RXFP2: variants seen among roughly 807,000 people sequenced by gnomAD.
RXFP2 encodes relaxin family peptide receptor 2.
In RXFP2, 68 loss-of-function variants were observed where a neutral mutation model predicts 88.6. That is an observed-to-expected ratio of 0.77 (90% confidence interval 0.63 to 0.94). The LOEUF (loss-of-function observed/expected upper bound fraction) is 0.94, where lower values mean the gene tolerates loss of function less well. Among genes scored for constraint, RXFP2 ranks in the 40% least tolerant of loss-of-function variants. The probability of loss-of-function intolerance (pLI) is 0.00; values close to 1 mark genes in which losing one functional copy is unlikely to be tolerated. For missense variants in RXFP2, 791 were observed against 893.9 expected (o/e 0.88, Z 1.47); for synonymous variants, 329 against 306.8 (o/e 1.07, Z -0.76).
At chr13:31,759,414 A>AAAGAAAGAAAG (rs1872172556) in intron 2 of RXFP2, among the ~76,000 whole-genome samples, 5 of 150,650 alleles carry the variant, frequency 3.3e-5, no homozygotes, top group South Asian at 2.1e-4. Context: ...AGAAAGAAAG[A>AAAGAAAGAAAG]AAGAAAGAAA....
intron 1 of RXFP2, among the ~76,000 whole-genome samples, chr13:31,745,125 G>A (rs1871357071): frequency 6.6e-6 from 1 of 151,552 alleles, no homozygotes; most frequent in South Asian, 2.1e-4. Context: ...AGCCAAGATT[G>A]TGCCACCATA....
At chr13:31,754,779 TA>T (rs1449787144) in intron 1 of RXFP2, among the ~76,000 whole-genome samples, 1 of 152,180 alleles carries the variant, frequency 6.6e-6, no homozygotes, top group African/African-American at 2.4e-5. Flanking sequence ...TGAAATAAAA[TA>T]AAAATCATAC....
intron 17 of RXFP2, 48 bp downstream of exon 17, chr13:31,797,467 C>G: frequency 7.1e-7 from 1 of 1,403,718 alleles, no homozygotes. Flanking sequence ...TGCCTTCTTA[C>G]GTCCTTCTTT....
chr13:31,777,319 G>A, intron 7 of RXFP2, 57 bp from the exon 8 acceptor site: 1 of 1,270,458 alleles, frequency 7.9e-7, no homozygotes. Flanking sequence ...AGGGGAGGCA[G>A]GTTTTATTTC....
intron 5 of RXFP2, among the ~76,000 whole-genome samples, chr13:31,767,786 G>C (rs1872601955): frequency 6.6e-6 from 1 of 152,164 alleles, no homozygotes; most frequent in South Asian, 2.1e-4. Context: ...AACCTTAAGA[G>C]GGAAAGAAAT....
chr13:31,800,681 G>A (rs1055433643), intron 17 of RXFP2, among the ~76,000 whole-genome samples: 1 of 152,164 alleles, frequency 6.6e-6, no homozygotes, highest in African/African-American at 2.4e-5. Flanking sequence ...GAACTTACGT[G>A]GCCTATTTGC....
chr13:31,798,729 G>A (rs538733669), intron 17 of RXFP2, among the ~76,000 whole-genome samples: 11 of 152,242 alleles, frequency 7.2e-5, no homozygotes, highest in African/African-American at 1.9e-4. Flanking sequence ...AGGCCCACTG[G>A]AATGATTGGG....
At chr13:31,746,612 C>G (rs1372793511) in intron 1 of RXFP2, among the ~76,000 whole-genome samples, 5 of 152,176 alleles carry the variant, frequency 3.3e-5, no homozygotes, top group African/African-American at 1.2e-4. Context: ...GGGCCAGATT[C>G]TACTTCTTAT....
chr13:31,759,890 G>A (rs1307325834), intron 2 of RXFP2, among the ~76,000 whole-genome samples: 2 of 151,984 alleles, frequency 1.3e-5, no homozygotes, highest in African/African-American at 4.8e-5. Flanking sequence ...CACACTTCCC[G>A]TGGATCACTT....
intron 1 of RXFP2, among the ~76,000 whole-genome samples, chr13:31,740,118 A>C (rs1871172404): frequency 6.6e-6 from 1 of 152,184 alleles, no homozygotes. Flanking sequence ...TTGCGTGAAC[A>C]TAATTAAACT....
At chr13:31,761,524 C>T (rs1051829026) in intron 2 of RXFP2, among the ~76,000 whole-genome samples, 200 bp from the exon 3 acceptor site, 2 of 152,130 alleles carry the variant, frequency 1.3e-5, no homozygotes, top group African/African-American at 4.8e-5. Context: ...ATGATACATA[C>T]ATTTGGAGTA....
At chr13:31,758,111 T>C in intron 1 of RXFP2, 147 bp from the exon 2 acceptor site, 1 of 822,496 alleles carries the variant, frequency 1.2e-6, no homozygotes, top group Non-Finnish European at 2.0e-6. Context: ...AATAAAGTTG[T>C]CATTGAGAAT....
chr13:31,776,102 T>TTTC (rs35847911), intron 7 of RXFP2, among the ~76,000 whole-genome samples: 10,233 of 109,702 alleles, frequency 0.093, 595 homozygotes, highest in Middle Eastern at 0.14. Flanking sequence ...CTTTCTTTTC[T>TTTC]TTTCTTTCTT....
intron 1 of RXFP2, among the ~76,000 whole-genome samples, chr13:31,754,537 A>G (rs1304275692): frequency 7.1e-6 from 1 of 141,146 alleles, no homozygotes; most frequent in Non-Finnish European, 1.6e-5. Flanking sequence ...TCTCAAGAAG[A>G]AAAAAAAAAG....
Position 31,782,675 on chromosome 13 carries a change from G to A in RXFP2, c.858-1G>A. On this transcript the variant is annotated splice_acceptor_variant, in intron 10 of 17. Coordinates refer to ENST00000298386, the MANE Select transcript of RXFP2 (RefSeq NM_130806.5). LOFTEE classifies it high-confidence loss of function. Reference sequence around the variant, plus strand: ...ATGCTGATTCTCGCCATGTCTTACAGGTTTCTGCCTAGAAATCAAATTGGT... The same window carrying A: ...ATGCTGATTCTCGCCATGTCTTACAAGTTTCTGCCTAGAAATCAAATTGGT... 6.2e-7 allele frequency: 1 copy of A among 1,609,812 alleles called. No homozygotes were observed. The highest frequency in any genetic ancestry group is 8.5e-7 in the Non-Finnish European group (1 of 1,176,182).
intron 5 of RXFP2, among the ~76,000 whole-genome samples, chr13:31,770,784 A>C (rs1178617718): frequency 6.6e-6 from 1 of 152,108 alleles, no homozygotes; most frequent in Non-Finnish European, 1.5e-5. Flanking sequence ...CAACTCTCTG[A>C]CCACCATACC....
intron 3 of RXFP2, among the ~76,000 whole-genome samples, chr13:31,763,826 A>G (rs1426158763): frequency 1.3e-5 from 2 of 152,168 alleles, no homozygotes; most frequent in Non-Finnish European, 2.9e-5. Flanking sequence ...CACTATTTCA[A>G]TGGTGGTTAT....
intron 1 of RXFP2, among the ~76,000 whole-genome samples, chr13:31,747,688 A>C (rs1871484175): frequency 6.6e-6 from 1 of 152,246 alleles, no homozygotes; most frequent in South Asian, 2.1e-4. Flanking sequence ...AATCAAAATT[A>C]ATAAATTCCA....
chr13:31,789,999 T>C (rs1177374006), intron 14 of RXFP2, among the ~76,000 whole-genome samples: 2 of 152,202 alleles, frequency 1.3e-5, no homozygotes, highest in Non-Finnish European at 2.9e-5. Flanking sequence ...CATTTCCTTG[T>C]TGTAGGCAGG....
Sources: allele counts gnomAD v4.1 joint callset (sites outside exome capture counted in the v4.1 genomes callset), GRCh38; gene constraint gnomAD v4.1.1; transcripts MANE v1.5; gene names NCBI Gene and HGNC (gene_info 2026-07-23, HGNC 2026-07-21).